LHFPL3: variants seen among roughly 807,000 people sequenced by gnomAD.
LHFPL3 encodes the protein LHFPL tetraspan subfamily member 3, also known as LHFPL tetraspan subfamily member 3 protein.
In LHFPL3, 5 loss-of-function variants were observed where a neutral mutation model predicts 19.3. The ratio of observed to expected loss-of-function variants is 0.26; its 90% CI spans 0.14 to 0.54. LHFPL3 has a LOEUF of 0.54. Among genes scored for constraint, LHFPL3 ranks in the 20% least tolerant of loss-of-function variants. LHFPL3 has a pLI of 0.94. For synonymous variants in LHFPL3, 133 were observed against 126.2 expected (o/e 1.05, Z -0.36); for missense variants, 249 against 307.4 (o/e 0.81, Z 1.42).
intron 1 of LHFPL3, among the ~76,000 whole-genome samples, chr7:104,332,359 A>G (rs1294170973): frequency 6.7e-6 from 1 of 148,722 alleles, no homozygotes; most frequent in Non-Finnish European, 1.5e-5. Flanking sequence ...CCTCTTGAGT[A>G]GCTAGGGCTA....
chr7:104,472,968 CCT>C (rs1792939995), intron 1 of LHFPL3, among the ~76,000 whole-genome samples: 1 of 151,920 alleles, frequency 6.6e-6, no homozygotes, highest in African/African-American at 2.4e-5. Flanking sequence ...TTCACTGGAC[CCT>C]CTGGGAGACC....
chr7:104,603,118 C>CTTTCT (rs1554413268), intron 1 of LHFPL3, among the ~76,000 whole-genome samples: 13 of 126,792 alleles, frequency 1.0e-4, no homozygotes, highest in Non-Finnish European at 1.9e-4. Context: ...TTCTTTCTTT[C>CTTTCT]TTTCTTTCTT....
intron 1 of LHFPL3, among the ~76,000 whole-genome samples, chr7:104,526,924 C>T (rs1178990241): frequency 6.6e-6 from 1 of 152,174 alleles, no homozygotes; most frequent in Non-Finnish European, 1.5e-5. Context: ...AATAAATAAA[C>T]ACATACCTTT....
chr7:104,448,201 T>C (rs1792367986), intron 1 of LHFPL3, among the ~76,000 whole-genome samples: 1 of 152,198 alleles, frequency 6.6e-6, no homozygotes. Context: ...AACATTTTTG[T>C]CTTCACCTAA....
intron 1 of LHFPL3, among the ~76,000 whole-genome samples, chr7:104,382,540 G>A (rs1017826454): frequency 2.0e-5 from 3 of 152,194 alleles, no homozygotes; most frequent in African/African-American, 7.2e-5. Context: ...AGTCGTTGAT[G>A]CCTGGGTTCC....
intron 2 of LHFPL3, among the ~76,000 whole-genome samples, chr7:104,852,980 T>G (rs1318893315): frequency 6.6e-6 from 1 of 152,132 alleles, no homozygotes; most frequent in African/African-American, 2.4e-5. Flanking sequence ...TGCCACCGTC[T>G]GCCCGAGGCA....
intron 2 of LHFPL3, among the ~76,000 whole-genome samples, chr7:104,745,763 G>T (rs1368464297): frequency 2.0e-5 from 3 of 152,274 alleles, no homozygotes; most frequent in South Asian, 4.1e-4. Context: ...TTTATTTGGG[G>T]TGCTGCATGC....
At chr7:104,440,885 T>C (rs1310457230) in intron 1 of LHFPL3, among the ~76,000 whole-genome samples, 1 of 152,214 alleles carries the variant, frequency 6.6e-6, no homozygotes, top group Non-Finnish European at 1.5e-5. Context: ...ATAATTGATA[T>C]ACAAAAGACC....
chr7:104,653,233 T>A (rs181870160), intron 1 of LHFPL3, among the ~76,000 whole-genome samples: 4 of 152,128 alleles, frequency 2.6e-5, no homozygotes, highest in African/African-American at 9.7e-5. Context: ...TGAGGCCCAG[T>A]GGAGAAGAGG....
chr7:104,861,648 A>C (rs191566335), intron 2 of LHFPL3, among the ~76,000 whole-genome samples: 2 of 152,218 alleles, frequency 1.3e-5, no homozygotes, highest in Non-Finnish European at 2.9e-5. Context: ...CTCTAAAAAA[A>C]CGCAGCCACC....
At chr7:104,716,112 G>A (rs1793381473) in intron 1 of LHFPL3, among the ~76,000 whole-genome samples, 1 of 152,146 alleles carries the variant, frequency 6.6e-6, no homozygotes, top group South Asian at 2.1e-4. Context: ...ACTTTGGGAG[G>A]CCGAGGAGGG....
intron 1 of LHFPL3, among the ~76,000 whole-genome samples, chr7:104,596,341 T>C (rs181928920): frequency 1.3e-5 from 2 of 152,368 alleles, no homozygotes; most frequent in Admixed American, 1.3e-4. Flanking sequence ...AGAGAGAATT[T>C]ATTTGTTGAG....
chr7:104,863,943 T>C (rs553289647), intron 2 of LHFPL3, among the ~76,000 whole-genome samples: 1 of 152,314 alleles, frequency 6.6e-6, no homozygotes, highest in East Asian at 1.9e-4. Flanking sequence ...GTGGGGGTAA[T>C]AATAGTACCT....
intron 2 of LHFPL3, among the ~76,000 whole-genome samples, chr7:104,842,264 C>G (rs886729023): frequency 7.0e-6 from 1 of 143,004 alleles, no homozygotes; most frequent in Non-Finnish European, 1.5e-5. Context: ...GGCATCAGCT[C>G]CTCCTCTAGC....
chr7:104,521,943 T>C (rs1794072071), intron 1 of LHFPL3, among the ~76,000 whole-genome samples: 2 of 152,098 alleles, frequency 1.3e-5, no homozygotes, highest in Admixed American at 6.5e-5. Flanking sequence ...TTGGTGGGAC[T>C]GTAAACTAGT....
chr7:104,599,605 A>G (rs905214850), intron 1 of LHFPL3, among the ~76,000 whole-genome samples: 1 of 152,214 alleles, frequency 6.6e-6, no homozygotes, highest in South Asian at 2.1e-4. Context: ...AGGGATACAC[A>G]TAGCACCAAG....
chr7:104,736,946 C>A (rs1424213318), intron 2 of LHFPL3, 35 bp downstream of exon 2: 2 of 1,500,308 alleles, frequency 1.3e-6, no homozygotes, highest in Admixed American at 4.0e-5. Flanking sequence ...ACCTGGATGC[C>A]TCAAGCACAA....
At chr7:104,655,339 T>A (rs564112317) in intron 1 of LHFPL3, among the ~76,000 whole-genome samples, 59 of 152,322 alleles carry the variant, frequency 3.9e-4, no homozygotes, top group African/African-American at 1.4e-3. Flanking sequence ...GGGAGAAAGA[T>A]GACTAAGTAG....
At chr7:104,597,634 A>C (rs1790889627) in intron 1 of LHFPL3, among the ~76,000 whole-genome samples, 1 of 152,208 alleles carries the variant, frequency 6.6e-6, no homozygotes, top group African/African-American at 2.4e-5. Flanking sequence ...TCTGAAATGG[A>C]ATGTATTTCT....
Sources: gnomAD v4.1 joint callset for allele counts (sites outside exome capture counted in the v4.1 genomes callset) on GRCh38, gnomAD v4.1.1 for gene constraint, MANE v1.5 for transcripts, NCBI Gene and HGNC (gene_info 2026-07-23, HGNC 2026-07-21) for gene names.